Variants in ZBTB20 observed in about 807,000 individuals in gnomAD.
ZBTB20 encodes the protein zinc finger and BTB domain-containing protein 20.
Under a neutral mutation model 56.9 loss-of-function variants are expected in ZBTB20, and 9 were observed. That is an observed-to-expected ratio of 0.16 (90% confidence interval 0.10 to 0.28). The LOEUF (loss-of-function observed/expected upper bound fraction) is 0.28. Among genes scored for constraint, ZBTB20 ranks in the 10% least tolerant of loss-of-function variants. ZBTB20 has a pLI of 1.00. For missense variants in ZBTB20, 655 were observed against 1,003.0 expected, an observed-to-expected ratio of 0.65 and a Z score of 4.69; for synonymous variants, 417 against 420.7, an observed-to-expected ratio of 0.99 and a Z score of 0.11.
intron 6 of ZBTB20, among the ~76,000 whole-genome samples, chr3:114,569,464 C>T (rs2053174802): frequency 6.6e-6 from 1 of 152,150 alleles, no homozygotes; most frequent in Non-Finnish European, 1.5e-5. Flanking sequence ...TGAGGCAGGC[C>T]CTGGGATCAG....
At chr3:114,490,543 T>C (rs1273181987) in intron 7 of ZBTB20, among the ~76,000 whole-genome samples, 3 of 152,012 alleles carry the variant, frequency 2.0e-5, no homozygotes, top group Non-Finnish European at 4.4e-5. Context: ...CTTCTTTCCA[T>C]CCCTCCCTTC....
At chr3:114,433,645 G>T (rs979206335) in intron 7 of ZBTB20, among the ~76,000 whole-genome samples, 2 of 152,090 alleles carry the variant, frequency 1.3e-5, no homozygotes, top group Non-Finnish European at 2.9e-5. Flanking sequence ...GGTGTTGAGG[G>T]GGATACAACT....
At chr3:114,907,030 T>C (rs1461847866) in intron 3 of ZBTB20, among the ~76,000 whole-genome samples, 2 of 151,854 alleles carry the variant, frequency 1.3e-5, no homozygotes, top group African/African-American at 4.8e-5. Context: ...ATTAAACACG[T>C]ATTAGAGATT....
chr3:114,821,574 G>A (rs1258529756), intron 4 of ZBTB20, among the ~76,000 whole-genome samples: 1 of 152,092 alleles, frequency 6.6e-6, no homozygotes, highest in Admixed American at 6.6e-5. Flanking sequence ...CTACATCAAT[G>A]TCAACAAACA....
intron 1 of ZBTB20, among the ~76,000 whole-genome samples, chr3:115,121,986 A>G (rs2084195200): frequency 6.6e-6 from 1 of 152,046 alleles, no homozygotes; most frequent in Non-Finnish European, 1.5e-5. Flanking sequence ...GTCTTTTTTA[A>G]GTAATATTAA....
chr3:114,647,220 A>G (rs1442484924), intron 6 of ZBTB20, among the ~76,000 whole-genome samples: 5 of 152,154 alleles, frequency 3.3e-5, no homozygotes, highest in Non-Finnish European at 7.4e-5. Context: ...GGCCTCCCAA[A>G]ATGCTGGGAT....
intron 2 of ZBTB20, among the ~76,000 whole-genome samples, chr3:114,985,330 T>G (rs1367440450): frequency 6.6e-6 from 1 of 152,034 alleles, no homozygotes; most frequent in Non-Finnish European, 1.5e-5. Context: ...TTTTTTCAGT[T>G]GAATCCTAGG....
chr3:114,891,571 C>T (rs2076807062), intron 4 of ZBTB20, among the ~76,000 whole-genome samples: 1 of 152,108 alleles, frequency 6.6e-6, no homozygotes, highest in Admixed American at 6.5e-5. Context: ...CAATATTGAA[C>T]CCATTTTAGA....
intron 6 of ZBTB20, chr3:114,518,557 G>A (rs147789912): frequency 6.6e-6 from 1 of 152,266 alleles, no homozygotes; most frequent in African/African-American, 2.4e-5. Flanking sequence ...GGAGGGAAGG[G>A]GAACCTGCTA....
chr3:114,550,542 A>G (rs1275753695), intron 6 of ZBTB20, among the ~76,000 whole-genome samples: 2 of 152,192 alleles, frequency 1.3e-5, no homozygotes, highest in Admixed American at 1.3e-4. Flanking sequence ...AGCCTTGAAG[A>G]TGGCAAGTTA....
intron 7 of ZBTB20, among the ~76,000 whole-genome samples, chr3:114,409,083 C>G (rs1484061351): frequency 6.9e-5 from 10 of 144,090 alleles, no homozygotes; most frequent in African/African-American, 2.3e-4. Flanking sequence ...TGAACGTACT[C>G]TGCTTTTATT....
At chr3:115,145,515 CCATGT>C (rs2084937703) in intron 1 of ZBTB20, among the ~76,000 whole-genome samples, 1 of 116,304 alleles carries the variant, frequency 8.6e-6, no homozygotes, top group African/African-American at 2.9e-5. Flanking sequence ...CAAGTAAATG[CCATGT>C]ATTAATAAAT....
At chr3:115,079,989 G>A (rs1476846727) in intron 1 of ZBTB20, among the ~76,000 whole-genome samples, 1 of 152,112 alleles carries the variant, frequency 6.6e-6, no homozygotes. Flanking sequence ...GCATTTTACA[G>A]ATGAGGAAAA....
intron 10 of ZBTB20, among the ~76,000 whole-genome samples, chr3:114,374,277 T>A (rs1047697243): frequency 2.6e-5 from 4 of 152,154 alleles, no homozygotes; most frequent in Admixed American, 1.3e-4. Context: ...AAGATAAATA[T>A]ATAATTCCTT....
intron 1 of ZBTB20, among the ~76,000 whole-genome samples, chr3:115,089,542 T>C (rs2083111635): frequency 6.6e-6 from 1 of 151,842 alleles, no homozygotes; most frequent in East Asian, 1.9e-4. Flanking sequence ...CAGGGGCTAA[T>C]GTGGTGCCAA....
intron 4 of ZBTB20, among the ~76,000 whole-genome samples, chr3:114,811,957 G>C (rs756707903): frequency 1.3e-5 from 2 of 152,162 alleles, no homozygotes; most frequent in Non-Finnish European, 2.9e-5. Context: ...CGTCTCCGCA[G>C]TTTGTTCCTT....
chr3:114,728,356 G>C (rs1224198435), intron 5 of ZBTB20, among the ~76,000 whole-genome samples: 1 of 152,166 alleles, frequency 6.6e-6, no homozygotes, highest in African/African-American at 2.4e-5. Flanking sequence ...GAAGGTGAAA[G>C]AATTAAGGAT....
At chr3:114,513,208 T>A (rs2045601704) in intron 6 of ZBTB20, among the ~76,000 whole-genome samples, 1 of 152,212 alleles carries the variant, frequency 6.6e-6, no homozygotes, top group South Asian at 2.1e-4. Flanking sequence ...TTATCTTATA[T>A]AAACAGTGGT....
chr3:114,864,713 G>T (rs1054718650), intron 4 of ZBTB20, among the ~76,000 whole-genome samples: 11 of 152,030 alleles, frequency 7.2e-5, no homozygotes, highest in Admixed American at 5.9e-4. Context: ...GAGGAAGTTG[G>T]TAAAGAAGAC....
Sources: gnomAD v4.1 joint callset for allele counts (sites outside exome capture counted in the v4.1 genomes callset) on GRCh38, gnomAD v4.1.1 for gene constraint, MANE v1.5 for transcripts, NCBI Gene and HGNC (gene_info 2026-07-23, HGNC 2026-07-21) for gene names.